LTBP1: variants seen among roughly 807,000 people sequenced by gnomAD.
The protein encoded by LTBP1 is latent transforming growth factor beta binding protein 1, also known as latent-transforming growth factor beta-binding protein 1.
Under a neutral mutation model 207.6 loss-of-function variants are expected in LTBP1, and 129 were observed. That is an observed-to-expected ratio of 0.62 (90% CI 0.54 to 0.72). The LOEUF (loss-of-function observed/expected upper bound fraction) is 0.72, where lower values mean the gene tolerates loss of function less well. LTBP1 is among the 30% of genes least tolerant of loss of function. The pLI is 0.00. For missense variants in LTBP1, 2,281 were observed against 2,217.2 expected (o/e 1.03, Z -0.58); for synonymous variants, 963 against 833.7 (o/e 1.16, Z -2.67).
At chr2:33,223,945 T>G (rs1015281397) in intron 9 of LTBP1, among the ~76,000 whole-genome samples, 1 of 152,158 alleles carries the variant, frequency 6.6e-6, no homozygotes. Flanking sequence ...AAGACATACC[T>G]AATAACAGGG....
At chr2:33,135,118 T>C (rs1545551) in intron 5 of LTBP1, among the ~76,000 whole-genome samples, 158 bp downstream of exon 5, 146,632 of 152,348 alleles carry the variant, frequency 0.96, 70,608 homozygotes, top group East Asian at 1. Flanking sequence ...AAATTGCTTT[T>C]GGAATAATTT....
At position 33,188,677 on chromosome 2, in the gene LTBP1, G is replaced by A; in HGVS notation, c.1527G>A (p.Gln509=). The A allele has an allele frequency of 6.2e-7, 1 of 1,614,120 alleles. No individual in the cohort carries two copies. Among genetic ancestry groups the A allele is most frequent in the East Asian group, 2.2e-5 (1 of 44,874 alleles). Reference sequence around the variant, plus strand: ...CAAGAATTGATGGCCCAACAGGCCAGAAGACAAAAGAAGCTCAACCAGGCC... The same window carrying A: ...CAAGAATTGATGGCCCAACAGGCCAAAAGACAAAAGAAGCTCAACCAGGCC... ...QVSRIDGPTG[Q]KTKEAQPGQS... Residue 509 remains glutamine, a synonymous_variant, in exon 7 of 34, where the codon CAG becomes CAA. Coordinates refer to ENST00000404816, the MANE Select transcript of LTBP1 (RefSeq NM_206943.4).
chr2:33,088,581 C>T (rs2078892208), intron 3 of LTBP1, among the ~76,000 whole-genome samples: 1 of 152,156 alleles, frequency 6.6e-6, no homozygotes, highest in Non-Finnish European at 1.5e-5. Flanking sequence ...AAATGTATCC[C>T]TAGACTGTAA....
At chr2:33,168,572 T>C (rs540862543) in intron 5 of LTBP1, among the ~76,000 whole-genome samples, 8 of 152,290 alleles carry the variant, frequency 5.3e-5, no homozygotes, top group African/African-American at 1.9e-4. Context: ...GTATTTGGGA[T>C]TGTGTACCCA....
At chr2:33,060,364 G>T (rs546217986) in intron 3 of LTBP1, among the ~76,000 whole-genome samples, 1 of 152,022 alleles carries the variant, frequency 6.6e-6, no homozygotes, top group East Asian at 1.9e-4. Context: ...GATAATTGAC[G>T]TATCTCTAGG....
At chr2:33,188,083 A>T (rs2087396153) in intron 6 of LTBP1, among the ~76,000 whole-genome samples, 1 of 152,368 alleles carries the variant, frequency 6.6e-6, no homozygotes, top group Admixed American at 6.5e-5. Context: ...TTTTAAAAAC[A>T]TATAAATTCA....
chr2:33,063,438 A>G (rs550049627), intron 3 of LTBP1, among the ~76,000 whole-genome samples: 1 of 152,302 alleles, frequency 6.6e-6, no homozygotes, highest in Admixed American at 6.5e-5. Context: ...TTTTATGGTA[A>G]ACATTAATGG....
At chr2:32,991,378 A>G (rs1684389605) in intron 2 of LTBP1, among the ~76,000 whole-genome samples, 1 of 152,204 alleles carries the variant, frequency 6.6e-6, no homozygotes, top group South Asian at 2.1e-4. Context: ...TTCTTGAAAT[A>G]TAGTTGTTTA....
At chr2:32,975,376 G>T (rs528593779) in intron 2 of LTBP1, among the ~76,000 whole-genome samples, 3 of 152,070 alleles carry the variant, frequency 2.0e-5, no homozygotes, top group African/African-American at 4.8e-5. Context: ...GTCTCATATA[G>T]TATCTAACAG....
At chr2:33,396,005 T>C (rs1182154806) in intron 32 of LTBP1, among the ~76,000 whole-genome samples, 1 of 152,046 alleles carries the variant, frequency 6.6e-6, no homozygotes, top group Non-Finnish European at 1.5e-5. Flanking sequence ...GATTTATGTT[T>C]AGAACTTTCC....
At chr2:33,098,375 C>T (rs1336015647) in intron 3 of LTBP1, among the ~76,000 whole-genome samples, 1 of 152,130 alleles carries the variant, frequency 6.6e-6, no homozygotes, top group African/African-American at 2.4e-5. Context: ...TTTTCATGTG[C>T]ATTGCAGATA....
chr2:33,160,875 AGAG>A (rs1171276324), intron 5 of LTBP1, among the ~76,000 whole-genome samples: 9 of 152,174 alleles, frequency 5.9e-5, no homozygotes, highest in Admixed American at 2.0e-4. Flanking sequence ...AATTTTTGTT[AGAG>A]GAGAGGAGAG....
At chr2:33,348,359 A>G (rs1476861504) in intron 26 of LTBP1, among the ~76,000 whole-genome samples, 1 of 152,236 alleles carries the variant, frequency 6.6e-6, no homozygotes, top group Non-Finnish European at 1.5e-5. Flanking sequence ...ATATTTCCTC[A>G]GTTATTAAAT....
chr2:33,298,439 G>T (rs183570697), intron 20 of LTBP1, among the ~76,000 whole-genome samples: 97 of 152,302 alleles, frequency 6.4e-4, no homozygotes, highest in African/African-American at 2.2e-3. Flanking sequence ...TTAATTTGTT[G>T]TCTTCTATGA....
intron 4 of LTBP1, among the ~76,000 whole-genome samples, chr2:33,111,615 T>C: frequency 6.6e-6 from 1 of 152,138 alleles, no homozygotes; most frequent in Admixed American, 6.5e-5. Context: ...TTGTTGTGGC[T>C]TTGGTTCCCT....
intron 3 of LTBP1, among the ~76,000 whole-genome samples, chr2:33,040,799 CT>C (rs969613003): frequency 1.3e-5 from 2 of 152,170 alleles, no homozygotes; most frequent in African/African-American, 4.8e-5. Flanking sequence ...GGGTCACTTG[CT>C]TTTCTGGAGG....
At chr2:33,078,772 A>G (rs999103765) in intron 3 of LTBP1, among the ~76,000 whole-genome samples, 2 of 152,140 alleles carry the variant, frequency 1.3e-5, no homozygotes, top group South Asian at 2.1e-4. Context: ...AGTCAGCTCA[A>G]TAAGGTGATT....
At chr2:33,137,861 A>G (rs1439363358) in intron 5 of LTBP1, among the ~76,000 whole-genome samples, 1 of 152,170 alleles carries the variant, frequency 6.6e-6, no homozygotes, top group Admixed American at 6.5e-5. Flanking sequence ...TCCTTATGCC[A>G]TCTGTTTTCT....
At chr2:33,321,382 A>G (rs138098738) in intron 24 of LTBP1, among the ~76,000 whole-genome samples, 1 of 152,376 alleles carries the variant, frequency 6.6e-6, no homozygotes, top group Non-Finnish European at 1.5e-5. Context: ...TACTGAAAGT[A>G]GTGATATCAC....
Sources: gnomAD v4.1 joint callset for allele counts (sites outside exome capture counted in the v4.1 genomes callset) on GRCh38, gnomAD v4.1.1 for gene constraint, MANE v1.5 for transcripts, NCBI Gene and HGNC (gene_info 2026-07-23, HGNC 2026-07-21) for gene names.